Variants in SHROOM4 observed in about 807,000 individuals in gnomAD.
SHROOM4 encodes protein Shroom4.
Under a neutral mutation model 80.3 loss-of-function variants are expected in SHROOM4, and 17 were observed. That is an observed-to-expected ratio of 0.21 (90% confidence interval 0.14 to 0.32). The LOEUF is 0.32. Ranked by LOEUF, SHROOM4 falls within the 10% of genes least tolerant of loss-of-function variation. The probability of loss-of-function intolerance (pLI) is 1.00; values close to 1 mark genes in which losing one functional copy is unlikely to be tolerated. For synonymous variants in SHROOM4, 400 were observed against 437.5 expected, an observed-to-expected ratio of 0.91 and a Z score of 1.07; for missense variants, 993 against 1,140.3, an observed-to-expected ratio of 0.87 and a Z score of 1.86.
chrX:50,658,277 T>TGGTGACA (rs782517047), intron 2 of SHROOM4, among the ~76,000 whole-genome samples: 151 of 111,607 alleles, frequency 1.4e-3, no homozygotes, highest in Non-Finnish European at 2.4e-3. Context: ...CTGCTGGTGC[T>TGGTGACA]GGTGACAGGT....
At chrX:50,656,874 T>C (rs1387708770) in intron 2 of SHROOM4, among the ~76,000 whole-genome samples, 2 of 111,409 alleles carry the variant, frequency 1.8e-5, no homozygotes, top group African/African-American at 6.5e-5. Context: ...TTCTAACCCA[T>C]GAACATGGAA....
intron 1 of SHROOM4, among the ~76,000 whole-genome samples, chrX:50,733,240 T>C (rs1461535971): frequency 9.0e-6 from 1 of 111,708 alleles, no homozygotes; most frequent in Non-Finnish European, 1.9e-5. Context: ...CTGAATAACA[T>C]GGAATAGAAG....
At chrX:50,740,313 A>G (rs1934622622) in intron 1 of SHROOM4, among the ~76,000 whole-genome samples, 1 of 111,362 alleles carries the variant, frequency 9.0e-6, no homozygotes, top group African/African-American at 3.3e-5. Flanking sequence ...CATGTACCCT[A>G]GAACTTAAAG....
At chrX:50,767,417 C>T (rs782678574) in intron 1 of SHROOM4, among the ~76,000 whole-genome samples, 1 of 110,996 alleles carries the variant, frequency 9.0e-6, no homozygotes, top group African/African-American at 3.3e-5. Flanking sequence ...TTAGCTGTCA[C>T]TGTGTCTATT....
chrX:50,608,728 T>C (rs1227871749), intron 5 of SHROOM4, among the ~76,000 whole-genome samples: 1 of 112,082 alleles, frequency 8.9e-6, no homozygotes, highest in Admixed American at 9.5e-5. Flanking sequence ...TTGATTGCCA[T>C]AATACCCATG....
At chrX:50,725,426 A>G (rs1316633779) in intron 1 of SHROOM4, among the ~76,000 whole-genome samples, 1 of 112,166 alleles carries the variant, frequency 8.9e-6, no homozygotes, top group Admixed American at 9.4e-5. Context: ...AGGCGCAAGC[A>G]GAGAGTATCA....
chrX:50,792,367 G>A (rs782464655), intron 1 of SHROOM4, among the ~76,000 whole-genome samples: 5 of 110,513 alleles, frequency 4.5e-5, no homozygotes, highest in Non-Finnish European at 9.5e-5. Flanking sequence ...TTAGCCAAGT[G>A]TGGTGGTGAA....
At chrX:50,796,185 T>G (rs1179309972) in intron 1 of SHROOM4, among the ~76,000 whole-genome samples, 1 of 111,965 alleles carries the variant, frequency 8.9e-6, no homozygotes, top group Non-Finnish European at 1.9e-5. Context: ...TGAGATAATG[T>G]TCTCCATCAA....
intron 5 of SHROOM4, among the ~76,000 whole-genome samples, chrX:50,611,595 G>A (rs1290081295): frequency 9.0e-6 from 1 of 111,682 alleles, no homozygotes; most frequent in African/African-American, 3.3e-5. Flanking sequence ...TCAGAAGCTA[G>A]AGGATATGGT....
chrX:50,723,381 G>C (rs868968546), intron 1 of SHROOM4, among the ~76,000 whole-genome samples: 108 of 28,463 alleles, frequency 3.8e-3, no homozygotes, highest in African/African-American at 7.9e-3. Context: ...AGGGAGGGAG[G>C]GAGCAAGGGA....
chrX:50,807,932 G>A (rs1557273146), intron 1 of SHROOM4, among the ~76,000 whole-genome samples: 2 of 111,541 alleles, frequency 1.8e-5, no homozygotes, highest in African/African-American at 6.5e-5. Flanking sequence ...GTGATCTTCA[G>A]CTGTATTTTT....
At chrX:50,770,537 A>C (rs1286043158) in intron 1 of SHROOM4, among the ~76,000 whole-genome samples, 1 of 112,368 alleles carries the variant, frequency 8.9e-6, no homozygotes, top group African/African-American at 3.2e-5. Flanking sequence ...GAGGATCAAT[A>C]GGCCCCATCA....
At chrX:50,758,677 T>G (rs1935088823) in intron 1 of SHROOM4, among the ~76,000 whole-genome samples, 1 of 112,242 alleles carries the variant, frequency 8.9e-6, no homozygotes, top group South Asian at 3.7e-4. Flanking sequence ...TAGTTTTCTT[T>G]TCTTGTAGAA....
At chrX:50,790,235 A>G (rs1935827393) in intron 1 of SHROOM4, among the ~76,000 whole-genome samples, 1 of 111,340 alleles carries the variant, frequency 9.0e-6, no homozygotes, top group South Asian at 3.8e-4. Flanking sequence ...CATATGACTG[A>G]CCAAGACTGT....
chrX:50,738,337 C>G (rs1281453535), intron 1 of SHROOM4, among the ~76,000 whole-genome samples: 22 of 110,490 alleles, frequency 2.0e-4, no homozygotes, highest in African/African-American at 5.3e-4. Flanking sequence ...CGGGCAATCA[C>G]GCAGGAGAAA....
In SHROOM4 at chrX:50,645,473, G is replaced by A. The variant is rs782087524; in HGVS notation, c.270-7165C>T. 1.8e-4 allele frequency among the ~76,000 whole-genome samples: 20 copies of A among 112,062 alleles called. No individual in the cohort carries two copies. In the South Asian group the frequency reaches 2.6e-3, roughly 15 times the overall value. On this transcript the variant is annotated intron_variant, in intron 2 of 8. Transcript: ENST00000376020. ...TCAGTGTGACCCTGCCAGTGGCCAG[G>A]TGAGGCTGAAGAAATTGTGACTAGA...
At chrX:50,681,437 A>G (rs1932939672) in intron 2 of SHROOM4, among the ~76,000 whole-genome samples, 1 of 111,092 alleles carries the variant, frequency 9.0e-6, no homozygotes, top group African/African-American at 3.3e-5. Flanking sequence ...TGAATACATC[A>G]TGTATTTTTC....
chrX:50,769,355 G>C (rs1460010542), intron 1 of SHROOM4, among the ~76,000 whole-genome samples: 1 of 112,071 alleles, frequency 8.9e-6, no homozygotes, highest in African/African-American at 3.2e-5. Flanking sequence ...AAATAGAAAA[G>C]GTCAGTTCAG....
intron 1 of SHROOM4, among the ~76,000 whole-genome samples, chrX:50,721,255 A>AT (rs1429944083): frequency 8.9e-6 from 1 of 112,456 alleles, no homozygotes; most frequent in Non-Finnish European, 1.9e-5. Context: ...ACAAGAAAGA[A>AT]TTCAGAGTGA....
Sources: gnomAD v4.1 joint callset for allele counts (sites outside exome capture counted in the v4.1 genomes callset) on GRCh38, gnomAD v4.1.1 for gene constraint, MANE v1.5 for transcripts, NCBI Gene and HGNC (gene_info 2026-07-23, HGNC 2026-07-21) for gene names.